PCDH11X: variants seen among roughly 807,000 people sequenced by gnomAD.
PCDH11X encodes protocadherin 11 X-linked, also known as protocadherin-11 X-linked.
PCDH11X carries 18 observed loss-of-function variants against 53.3 expected under a neutral mutation model. That is an observed-to-expected ratio of 0.34 (90% CI 0.23 to 0.50). PCDH11X has a LOEUF of 0.50. Among genes scored for constraint, PCDH11X ranks in the 20% least tolerant of loss-of-function variants. The pLI, the probability that PCDH11X is intolerant of heterozygous loss-of-function variation, is 0.98. For missense variants in PCDH11X, 570 were observed against 1,032.4 expected (o/e 0.55, Z 6.14); for synonymous variants, 279 against 393.3 (o/e 0.71, Z 3.44).
intron 7 of PCDH11X, among the ~76,000 whole-genome samples, chrX:92,218,217 A>G (rs2066766122): frequency 9.0e-6 from 1 of 110,740 alleles, no homozygotes; most frequent in African/African-American, 3.3e-5. Flanking sequence ...TGAAGGAAAT[A>G]GAGACACATA....
intron 9 of PCDH11X, among the ~76,000 whole-genome samples, chrX:92,425,271 A>G (rs565109250): frequency 6.3e-5 from 7 of 110,618 alleles, no homozygotes; most frequent in African/African-American, 2.3e-4. Flanking sequence ...AGCTTTTGAA[A>G]TAATGTAGGT....
intron 1 of PCDH11X, among the ~76,000 whole-genome samples, chrX:91,780,146 A>C (rs1411723886): frequency 9.0e-6 from 1 of 111,635 alleles, no homozygotes; most frequent in Non-Finnish European, 1.9e-5. Context: ...CCTCTAGCTG[A>C]GAAACTACCC....
At chrX:92,509,970 A>G (rs1275956297) in intron 10 of PCDH11X, among the ~76,000 whole-genome samples, 1 of 110,522 alleles carries the variant, frequency 9.0e-6, no homozygotes, top group Non-Finnish European at 1.9e-5. Flanking sequence ...ATAATAAACA[A>G]TTGGAGTGAG....
chrX:92,535,363 C>T (rs373556577), intron 10 of PCDH11X, among the ~76,000 whole-genome samples: 1 of 111,394 alleles, frequency 9.0e-6, no homozygotes, highest in East Asian at 2.9e-4. Flanking sequence ...GAGGTCATGT[C>T]CTTTGGAGGA....
At position 91,908,908 on chromosome X, in the gene PCDH11X, G is replaced by A. The variant is rs758058686; in HGVS notation, c.3033+29635G>A. 2.8e-5 allele frequency among the ~76,000 whole-genome samples: 3 copies of A among 108,777 alleles called. No homozygotes were observed. In the South Asian group the frequency reaches 1.2e-3, roughly 45 times the overall value. The allele number at this position is 108,777 out of a possible 115,157, so 94.5% of individuals were successfully genotyped here. A position where few individuals can be genotyped will look rare whatever the true frequency, so the allele number is the denominator to read the frequency against. On this transcript the variant is annotated intron_variant, in intron 6 of 10. Coordinates refer to ENST00000682573, the MANE Select transcript of PCDH11X (RefSeq NM_032968.5). ...GGGAGTATAAATTAGTTCAGTCACT[G>A]TGGAAGACAGTGTGGAAATTCCTCA... is the stretch of plus-strand genomic sequence containing the variant.
intron 7 of PCDH11X, among the ~76,000 whole-genome samples, chrX:92,202,584 G>A (rs763551089): frequency 1.7e-3 from 185 of 111,804 alleles, no homozygotes; most frequent in Non-Finnish European, 2.3e-3. Context: ...AACAAAACCC[G>A]TCTGAATTTG....
chrX:92,113,554 T>C, intron 6 of PCDH11X: 1 of 1,199,267 alleles, frequency 8.3e-7, no homozygotes. Flanking sequence ...CATATCTCCA[T>C]GCATGGCGGA....
At chrX:91,988,438 C>CT (rs1437184053) in intron 6 of PCDH11X, among the ~76,000 whole-genome samples, 1 of 112,184 alleles carries the variant, frequency 8.9e-6, no homozygotes, top group African/African-American at 3.2e-5. Context: ...TTGTCTTAAT[C>CT]TTTTTTTCCC....
At position 92,545,207 on chromosome X, in the gene PCDH11X, G is replaced by T. The variant is rs189804927; in HGVS notation, c.3368-73057G>T. On this transcript the variant is annotated intron_variant, in intron 10 of 10. Coordinates refer to ENST00000682573, the MANE Select transcript of PCDH11X (RefSeq NM_032968.5). Reference sequence around the variant, plus strand: ...TGTGATTGGCATAAAAACTAGAGAGGCATAAAAGAATTTACTTTTGTGCAT... The same window carrying T: ...TGTGATTGGCATAAAAACTAGAGAGTCATAAAAGAATTTACTTTTGTGCAT... Among the ~76,000 whole-genome samples, 5 of 109,930 alleles carry T rather than the reference G, an allele frequency of 4.5e-5. No individual in the cohort carries two copies. In the East Asian group the frequency reaches 1.4e-3, roughly 32 times the overall value.
At chrX:92,064,841 C>A (rs2063582904) in intron 6 of PCDH11X, among the ~76,000 whole-genome samples, 1 of 102,231 alleles carries the variant, frequency 9.8e-6, no homozygotes, top group Non-Finnish European at 1.9e-5. Context: ...GAACACTATG[C>A]TTGCTGGGAA....
chrX:92,527,575 C>CT (rs1386800859), intron 10 of PCDH11X, among the ~76,000 whole-genome samples: 1 of 111,049 alleles, frequency 9.0e-6, no homozygotes, highest in Non-Finnish European at 1.9e-5. Flanking sequence ...GCACTAGACA[C>CT]TGTCTCAAAT....
intron 8 of PCDH11X, among the ~76,000 whole-genome samples, chrX:92,338,093 A>G (rs1227571516): frequency 8.9e-6 from 1 of 111,828 alleles, no homozygotes; most frequent in African/African-American, 3.2e-5. Flanking sequence ...CGAAAACCCA[A>G]TATTCATAAA....
intron 6 of PCDH11X, among the ~76,000 whole-genome samples, chrX:91,916,284 C>T (rs1459812834): frequency 9.1e-6 from 1 of 110,171 alleles, no homozygotes; most frequent in Non-Finnish European, 1.9e-5. Flanking sequence ...GAAACAAGAA[C>T]AAACCAAATC....
intron 8 of PCDH11X, among the ~76,000 whole-genome samples, chrX:92,339,028 G>A (rs1323917814): frequency 9.0e-6 from 1 of 111,299 alleles, no homozygotes; most frequent in Non-Finnish European, 1.9e-5. Context: ...ATACTACAAA[G>A]CTACAGTAAT....
chrX:92,239,129 TAA>T (rs781510476), intron 7 of PCDH11X, among the ~76,000 whole-genome samples: 4 of 111,804 alleles, frequency 3.6e-5, no homozygotes, highest in African/African-American at 1.3e-4. Context: ...AGAAATGGAA[TAA>T]AAGTTTGTGA....
chrX:92,513,663 A>G (rs1286549634), intron 10 of PCDH11X, among the ~76,000 whole-genome samples: 3 of 111,135 alleles, frequency 2.7e-5, no homozygotes, highest in Non-Finnish European at 5.7e-5. Flanking sequence ...TTCAATTTGA[A>G]AAGTACTTTT....
intron 6 of PCDH11X, among the ~76,000 whole-genome samples, chrX:91,894,577 T>C (rs1446411583): frequency 9.0e-6 from 1 of 111,702 alleles, no homozygotes; most frequent in Non-Finnish European, 1.9e-5. Flanking sequence ...TTACTCCGAT[T>C]TATTTCTTAG....
intron 6 of PCDH11X, among the ~76,000 whole-genome samples, chrX:92,105,642 C>T (rs770815422): frequency 1.0e-4 from 10 of 100,439 alleles, no homozygotes; most frequent in Non-Finnish European, 2.0e-5. Context: ...GTGGGGGTCG[C>T]AAGGTGCTCA....
At chrX:92,409,657 G>A (rs6522532) in intron 9 of PCDH11X, among the ~76,000 whole-genome samples, 28,332 of 111,106 alleles carry the variant, frequency 0.26, 3,935 homozygotes, top group African/African-American at 0.53. Flanking sequence ...AAACCTTGTG[G>A]TTTATAAAAT....
Sources: allele counts gnomAD v4.1 joint callset (sites outside exome capture counted in the v4.1 genomes callset), GRCh38; gene constraint gnomAD v4.1.1; transcripts MANE v1.5; gene names NCBI Gene and HGNC (gene_info 2026-07-23, HGNC 2026-07-21).